Variants in ACSL3 observed in about 807,000 individuals in gnomAD.
The protein encoded by ACSL3 is fatty acid CoA ligase Acsl3.
Under a neutral mutation model 84.7 loss-of-function variants are expected in ACSL3, and 34 were observed. The ratio of observed to expected loss-of-function variants is 0.40; its 90% confidence interval spans 0.31 to 0.53. The LOEUF is 0.53. ACSL3 is among the 20% of genes least tolerant of loss of function. ACSL3 has a pLI of 0.48. For synonymous variants in ACSL3, 315 were observed against 299.4 expected (o/e 1.05, Z -0.54); for missense variants, 680 against 873.1 (o/e 0.78, Z 2.79).
At chr2:222,933,424 G>A (rs1697085826) in intron 15 of ACSL3, 144 bp downstream of exon 15, 5 of 553,198 alleles carry the variant, frequency 9.0e-6, no homozygotes, top group Admixed American at 3.4e-5. Flanking sequence ...TCTCATTGCA[G>A]CCATTAGCTG....
intron 2 of ACSL3, among the ~76,000 whole-genome samples, chr2:222,895,255 T>C (rs1695944728): frequency 6.6e-6 from 1 of 152,134 alleles, no homozygotes; most frequent in African/African-American, 2.4e-5. Flanking sequence ...TCTGAGAAAA[T>C]AGAAGCACCC....
rs57522671 is a variant in ACSL3 at position 222,901,964 on chromosome 2, A to AAAAAAG, written c.-41+1184_-41+1185insAAAAAG. Among the ~76,000 whole-genome samples the AAAAAAG allele has an allele frequency of 9.2e-3, 912 of 99,322 alleles. 74 individuals carry two copies. The highest frequency in any genetic ancestry group is 0.013 in the Non-Finnish European group (716 of 55,382). The allele number at this position is 99,322 out of a possible 152,430, so 65.2% of individuals were successfully genotyped here. ...GTCTCAAAAAAAAAAAAAAAAAAAAAGAACTCAAATATTGTTGAGGTAGCA... is the reference window on the plus strand; with the variant it reads ...GTCTCAAAAAAAAAAAAAAAAAAAAAAAAAAGGAACTCAAATATTGTTGAGGTAGCA... On this transcript the variant is annotated intron_variant, in intron 3 of 16. Transcript: ENST00000357430.
intron 16 of ACSL3, 83 bp from the exon 17 acceptor site, chr2:222,941,414 G>A: frequency 8.7e-7 from 1 of 1,146,940 alleles, no homozygotes; most frequent in Non-Finnish European, 1.2e-6. Flanking sequence ...CATTTTGATG[G>A]ATACGCAAAA....
intron 2 of ACSL3, among the ~76,000 whole-genome samples, chr2:222,890,904 A>G (rs371397522): frequency 7.9e-5 from 12 of 152,280 alleles, no homozygotes; most frequent in South Asian, 2.1e-4. Flanking sequence ...CAGCCTCCCA[A>G]AGTGTTGGGA....
At chr2:222,928,494 G>A (rs1696940469) in intron 12 of ACSL3, among the ~76,000 whole-genome samples, 1 of 152,186 alleles carries the variant, frequency 6.6e-6, no homozygotes, top group Non-Finnish European at 1.5e-5. Flanking sequence ...AAGACAATGT[G>A]ATGGGTAAGG....
intron 10 of ACSL3, among the ~76,000 whole-genome samples, chr2:222,923,350 T>C (rs1446814841): frequency 1.3e-5 from 2 of 152,262 alleles, no homozygotes; most frequent in Non-Finnish European, 2.9e-5. Flanking sequence ...GCACTCAACT[T>C]AATTTCAGCT....
intron 2 of ACSL3, among the ~76,000 whole-genome samples, chr2:222,898,520 T>C (rs1347130178): frequency 2.0e-5 from 3 of 152,196 alleles, no homozygotes; most frequent in Non-Finnish European, 4.4e-5. Flanking sequence ...TCATTTTAAA[T>C]GACCTCTAAG....
At chr2:222,920,733 G>A (rs1696709944) in intron 7 of ACSL3, among the ~76,000 whole-genome samples, 1 of 152,096 alleles carries the variant, frequency 6.6e-6, no homozygotes, top group South Asian at 2.1e-4. Context: ...GTAATCCAGA[G>A]TTCTTCCCGT....
At position 222,896,528 on chromosome 2, in the gene ACSL3, A is replaced by AC. The variant is rs1203431990; in HGVS notation, c.-147-4140dup. On this transcript the variant is annotated intron_variant, in intron 2 of 16. Transcript: ENST00000357430. ...GGGCGGCTGGCCGGGCGAGGGGCTG[A>AC]CCCCCCACCTCCCTCCCGGACTGGG... Among the ~76,000 whole-genome samples, 7 of 6,174 alleles carry AC rather than the reference A, an allele frequency of 1.1e-3. 3 individuals are homozygous for AC. The East Asian group carries it at 0.38, about 331-fold the overall frequency. The allele number at this position is 6,174 out of a possible 152,430, so 4.1% of individuals were successfully genotyped here.
chr2:222,920,095 G>C (rs548843667), intron 7 of ACSL3, among the ~76,000 whole-genome samples: 2 of 152,164 alleles, frequency 1.3e-5, no homozygotes, highest in African/African-American at 2.4e-5. Context: ...TCATCAGCAG[G>C]ATCAGGGGCT....
In ACSL3 at chr2:222,901,964, A is replaced by AAAAAAAAAAG. The variant is rs57522671; in HGVS notation, c.-41+1184_-41+1185insAAAAAAAAAG. Among the ~76,000 whole-genome samples, 42 of 99,450 alleles carry AAAAAAAAAAG rather than the reference A, an allele frequency of 4.2e-4. 8 individuals carry two copies. Among genetic ancestry groups the AAAAAAAAAAG allele is most frequent in the African/African-American group, 1.2e-3 (29 of 24,618 alleles). The allele number at this position is 99,450 out of a possible 152,430, so 65.2% of individuals were successfully genotyped here. The stretch of plus-strand genomic sequence containing the variant: ...GTCTCAAAAAAAAAAAAAAAAAAAA[A>AAAAAAAAAAG]GAACTCAAATATTGTTGAGGTAGCA... On this transcript the variant is annotated intron_variant, in intron 3 of 16. Transcript: ENST00000357430.
At position 222,930,605 on chromosome 2, in the gene ACSL3, A is replaced by G; in HGVS notation, c.1541-16A>G. ...TGTATTTAACTCAACTATTAACTCA[A>G]TTATTATTTTATTAGGTGGATACTT... On this transcript the variant is annotated splice_polypyrimidine_tract_variant and intron_variant, in intron 13 of 16. Transcript: ENST00000357430. 1 of 1,563,088 alleles carries G rather than the reference A, an allele frequency of 6.4e-7. No homozygotes were observed. Among genetic ancestry groups the G allele is most frequent in the Non-Finnish European group, 8.7e-7 (1 of 1,154,056 alleles).
chr2:222,903,722 T>C (rs1209724845), intron 3 of ACSL3, among the ~76,000 whole-genome samples: 1 of 152,238 alleles, frequency 6.6e-6, no homozygotes, highest in African/African-American at 2.4e-5. Context: ...ACATGCTTGC[T>C]CTCCTGACTA....
At chr2:222,862,174 C>T (rs1695031782) in intron 1 of ACSL3, among the ~76,000 whole-genome samples, 2 of 152,288 alleles carry the variant, frequency 1.3e-5, no homozygotes, top group South Asian at 4.1e-4. Context: ...TATTACATGC[C>T]ACGCACTGTT....
At chr2:222,875,480 C>T (rs149686742) in intron 1 of ACSL3, among the ~76,000 whole-genome samples, 2 of 152,238 alleles carry the variant, frequency 1.3e-5, no homozygotes, top group Admixed American at 6.5e-5. Flanking sequence ...ATTGGTTTGG[C>T]TTTTCACTGA....
At chr2:222,893,753 T>C (rs1257573242) in intron 2 of ACSL3, among the ~76,000 whole-genome samples, 1 of 151,820 alleles carries the variant, frequency 6.6e-6, no homozygotes, top group East Asian at 1.9e-4. Flanking sequence ...CCTTTCCCTC[T>C]CCTTCCCTTC....
chr2:222,913,903 A>G (rs553211568), intron 4 of ACSL3, among the ~76,000 whole-genome samples: 2 of 152,332 alleles, frequency 1.3e-5, no homozygotes, highest in South Asian at 4.1e-4. Context: ...ATAAGTTAAC[A>G]CTTGCCGTGT....
intron 4 of ACSL3, chr2:222,909,821 C>A (rs1048243621): frequency 2.0e-5 from 3 of 152,280 alleles, no homozygotes; most frequent in Admixed American, 2.0e-4. Flanking sequence ...CCAAGCTGTT[C>A]TAAGAGCTTT....
At position 222,931,114 on chromosome 2, in the gene ACSL3, T is replaced by A. The variant is rs1697019318; in HGVS notation, c.1732+302T>A. ...AGATTAGTGGATGGAGCTCTCACAG[T>A]CTGAACTGCACCCTTGCCTTGCCCT... On this transcript the variant is annotated intron_variant, in intron 14 of 16. Coordinates refer to ENST00000357430, the MANE Select transcript of ACSL3 (RefSeq NM_004457.5). 2.5e-5 allele frequency among the ~76,000 whole-genome samples: 2 copies of A among 79,850 alleles called. 1 individual carries two copies. The highest frequency in any genetic ancestry group is 2.9e-4 in the Admixed American group (2 of 6,968). The allele number at this position is 79,850 out of a possible 152,430, so 52.4% of individuals were successfully genotyped here. A position where few individuals can be genotyped will look rare whatever the true frequency, so the allele number is the denominator to read the frequency against.
Sources: gnomAD v4.1 joint callset for allele counts (sites outside exome capture counted in the v4.1 genomes callset) on GRCh38, gnomAD v4.1.1 for gene constraint, MANE v1.5 for transcripts, NCBI Gene and HGNC (gene_info 2026-07-23, HGNC 2026-07-21) for gene names.